The following COX5A variants were observed in gnomAD, a reference collection of about 807,000 sequenced individuals.
COX5A encodes cytochrome c oxidase subunit 5A, mitochondrial.
A neutral mutation model predicts 16.1 loss-of-function variants in COX5A; 6 were observed. That is an observed-to-expected ratio of 0.37 (90% CI 0.20 to 0.73). COX5A has a LOEUF of 0.73. Among genes scored for constraint, COX5A ranks in the 30% least tolerant of loss-of-function variants. The pLI is 0.50. For missense variants in COX5A, 159 were observed against 194.9 expected (o/e 0.82, Z 1.10); for synonymous variants, 73 against 73.8 (o/e 0.99, Z 0.06).
intron 1 of COX5A, among the ~76,000 whole-genome samples, chr15:74,932,593 G>C (rs1383294111): frequency 6.6e-6 from 1 of 152,058 alleles, no homozygotes; most frequent in African/African-American, 2.4e-5. Context: ...GCAAAAAAAC[G>C]AAGCAGAAAA....
Position 74,919,814 on chromosome 15 carries a change from C to G in COX5A, c.*638G>C, listed in dbSNP as rs943385434. 1 of 152,282 alleles carries G rather than the reference C, an allele frequency of 6.6e-6. No homozygotes were observed. The highest frequency in any genetic ancestry group is 1.5e-5 in the Non-Finnish European group (1 of 68,140). The allele number at this position is 152,282 out of a possible 1,614,324, so 9.4% of individuals were successfully genotyped here. A position where few individuals can be genotyped will look rare whatever the true frequency, so the allele number is the denominator to read the frequency against. ...GATTTGTTTTACTCAGCTGTTTAAT[C>G]AGAATGCCTCCAAATTTACAAAGCA... On this transcript the variant is annotated 3_prime_UTR_variant, in exon 5 of 5. Transcript: ENST00000322347.
chr15:74,924,601 G>T (rs1043693138), intron 3 of COX5A, among the ~76,000 whole-genome samples: 2 of 152,180 alleles, frequency 1.3e-5, no homozygotes, highest in Non-Finnish European at 2.9e-5. Context: ...GAAATACCTT[G>T]AGAATAACTG....
intron 1 of COX5A, among the ~76,000 whole-genome samples, chr15:74,933,535 A>G (rs563993459): frequency 1.3e-5 from 2 of 152,134 alleles, no homozygotes; most frequent in Non-Finnish European, 2.9e-5. Flanking sequence ...ATGCAGTGGC[A>G]CTAGCCTCGG....
chr15:74,935,384 A>G (rs753488197), intron 1 of COX5A, among the ~76,000 whole-genome samples: 15 of 152,044 alleles, frequency 9.9e-5, no homozygotes, highest in Non-Finnish European at 2.1e-4. Context: ...TAATCCCAGC[A>G]CTTTGGAAGG....
intron 1 of COX5A, among the ~76,000 whole-genome samples, chr15:74,936,698 C>T (rs1300350177): frequency 7.1e-6 from 1 of 141,690 alleles, no homozygotes; most frequent in Non-Finnish European, 1.5e-5. Context: ...GCGATTTCGG[C>T]TCACTGCAAC....
chr15:74,937,965 G>T lies in COX5A; in HGVS notation c.50C>A (p.Ala17Asp). The T allele has an allele frequency of 8.1e-7, 1 of 1,233,250 alleles. No individual in the cohort carries two copies. The allele number at this position is 1,233,250 out of a possible 1,614,324, so 76.4% of individuals were successfully genotyped here. A position where few individuals can be genotyped will look rare whatever the true frequency, so the allele number is the denominator to read the frequency against. ...RRCAVAATTR[A>D]DPRGLLHSAR... is the part of the protein sequence containing the mutation. The stretch of plus-strand genomic sequence containing the variant: ...GGAGTGCAGGAGGCCTCGAGGGTCG[G>T]CCCGGGTGGTTGCGGCCACAGCGCA... Residue 17 changes from alanine (A) to aspartate (D), a missense_variant, in exon 1 of 5, where the codon GCC (alanine) becomes GAC (aspartate). Physicochemically the swap from Ala to Asp is moderately radical, Grantham distance 126. Transcript: ENST00000322347.
At chr15:74,922,908 G>A (rs1362269555) in intron 4 of COX5A, among the ~76,000 whole-genome samples, 4 of 151,942 alleles carry the variant, frequency 2.6e-5, no homozygotes, top group Non-Finnish European at 5.9e-5. Context: ...ACCCGCCTCG[G>A]CCTCCCAAAG....
chr15:74,928,143 C>T (rs924338258), intron 2 of COX5A, among the ~76,000 whole-genome samples: 1 of 152,160 alleles, frequency 6.6e-6, no homozygotes, highest in African/African-American at 2.4e-5. Context: ...GCTTTTATTA[C>T]TTTAAAATAT....
rs527764556 is a variant in COX5A at position 74,936,600 on chromosome 15, A to C, written c.100+1315T>G. 3.3e-5 allele frequency among the ~76,000 whole-genome samples: 5 copies of C among 151,938 alleles called. No homozygotes were observed. The East Asian group carries it at 9.7e-4, about 29-fold the overall frequency. On this transcript the variant is annotated intron_variant, in intron 1 of 4. Transcript: ENST00000322347. ...TCTACGACAAATGATAAAAGTCTAA[A>C]ATGAATGAAGCAAAACATATTCTTT...
intron 4 of COX5A, among the ~76,000 whole-genome samples, chr15:74,922,899 C>T (rs1328739108): frequency 6.6e-6 from 1 of 151,974 alleles, no homozygotes; most frequent in African/African-American, 2.4e-5. Flanking sequence ...TTGTGATCCA[C>T]CCGCCTCGGC....
intron 1 of COX5A, among the ~76,000 whole-genome samples, chr15:74,933,490 C>G (rs1412040326): frequency 6.6e-6 from 1 of 151,750 alleles, no homozygotes; most frequent in Non-Finnish European, 1.5e-5. Context: ...TTAGAACAAC[C>G]ATCTAATGCA....
chr15:74,923,999 G>C (rs892927877), intron 3 of COX5A, among the ~76,000 whole-genome samples: 1 of 151,836 alleles, frequency 6.6e-6, no homozygotes, highest in Non-Finnish European at 1.5e-5. Context: ...GGACAACATG[G>C]TGAAATCCCG....
intron 4 of COX5A, among the ~76,000 whole-genome samples, chr15:74,922,322 G>A (rs997449580): frequency 4.8e-4 from 72 of 150,422 alleles, no homozygotes; most frequent in African/African-American, 1.8e-3. Context: ...GGAGGCGGAA[G>A]TTCAGTGAGC....
At chr15:74,928,704 G>A (rs2065354123) in intron 2 of COX5A, among the ~76,000 whole-genome samples, 2 of 152,132 alleles carry the variant, frequency 1.3e-5, no homozygotes, top group South Asian at 4.1e-4. Context: ...TGTTTGAAAT[G>A]TACAAAACTG....
chr15:74,930,169 C>G (rs2065360508), intron 1 of COX5A, among the ~76,000 whole-genome samples: 1 of 152,076 alleles, frequency 6.6e-6, no homozygotes, highest in South Asian at 2.1e-4. Flanking sequence ...CCTGTAATCC[C>G]AGCACTTTGG....
chr15:74,931,016 CAAAAAAAA>C (rs61417867), intron 1 of COX5A, among the ~76,000 whole-genome samples: 14 of 23,732 alleles, frequency 5.9e-4, no homozygotes, highest in East Asian at 4.1e-3. Context: ...GACTCTGTCT[CAAAAAAAA>C]AAAAAAAAAA....
At chr15:74,923,827 CATGAA>C (rs2065332052) in intron 3 of COX5A, 57 bp from the exon 4 acceptor site, 7 of 1,144,276 alleles carry the variant, frequency 6.1e-6, no homozygotes, top group Non-Finnish European at 9.2e-6. Context: ...TCTATTAATT[CATGAA>C]ATGAACTTAA....
intron 3 of COX5A, among the ~76,000 whole-genome samples, chr15:74,925,305 C>T (rs775649515): frequency 2.7e-5 from 4 of 150,340 alleles, no homozygotes; most frequent in Admixed American, 6.6e-5. Flanking sequence ...GACTCTGTCT[C>T]GAAAAAATAA....
rs976601486 is a variant in COX5A at position 74,920,017 on chromosome 15, A to ATTTG, written c.*431_*434dup. The ATTTG allele has an allele frequency of 3.8e-6, 1 of 260,280 alleles. No homozygotes were observed. Among genetic ancestry groups the ATTTG allele is most frequent in the African/African-American group, 2.3e-5 (1 of 43,430 alleles). The allele number at this position is 260,280 out of a possible 1,614,324, so 16.1% of individuals were successfully genotyped here. A position where few individuals can be genotyped will look rare whatever the true frequency, so the allele number is the denominator to read the frequency against. On this transcript the variant is annotated 3_prime_UTR_variant, in exon 5 of 5. Transcript: ENST00000322347. Reference sequence around the variant, plus strand: ...AAAACCTGTTTTGGAAAGGTACACAATTTGATCTATCCCCACAGACAACCA... The same window carrying ATTTG: ...AAAACCTGTTTTGGAAAGGTACACAATTTGTTTGATCTATCCCCACAGACAACCA...
Sources: allele counts gnomAD v4.1 joint callset (sites outside exome capture counted in the v4.1 genomes callset), GRCh38; gene constraint gnomAD v4.1.1; transcripts MANE v1.5; gene names NCBI Gene and HGNC (gene_info 2026-07-23, HGNC 2026-07-21).